Variants in PRKN observed in about 807,000 individuals in gnomAD.
PRKN encodes the protein parkin RBR E3 ubiquitin protein ligase, also known as E3 ubiquitin-protein ligase parkin.
In PRKN, 56 loss-of-function variants were observed where a neutral mutation model predicts 59.5. That is an observed-to-expected ratio of 0.94 (90% CI 0.76 to 1.18). The LOEUF (loss-of-function observed/expected upper bound fraction) is 1.18, where lower values mean the gene tolerates loss of function less well. Ranked by LOEUF, PRKN falls within the 50% of genes most tolerant of loss-of-function variation. PRKN has a pLI of 0.00. For missense variants in PRKN, 657 were observed against 596.4 expected (o/e 1.10, Z -1.06); for synonymous variants, 250 against 222.1 (o/e 1.13, Z -1.12).
chr6:161,950,855 G>A (rs1562413092), intron 6 of PRKN, among the ~76,000 whole-genome samples: 1 of 151,696 alleles, frequency 6.6e-6, no homozygotes, highest in African/African-American at 2.4e-5. Context: ...AAAGCCTCAG[G>A]CGAAGGGCTA....
intron 6 of PRKN, among the ~76,000 whole-genome samples, chr6:161,837,142 C>G (rs1792790896): frequency 2.6e-5 from 4 of 152,120 alleles, no homozygotes; most frequent in Admixed American, 1.3e-4. Flanking sequence ...AAGAAAATGT[C>G]CTGTAGCCTC....
At chr6:161,917,868 T>C (rs1219027297) in intron 6 of PRKN, among the ~76,000 whole-genome samples, 1 of 152,212 alleles carries the variant, frequency 6.6e-6, no homozygotes, top group Admixed American at 6.5e-5. Flanking sequence ...GAGAGCGAGA[T>C]GCAGGCTTCG....
chr6:161,530,823 C>T lies in PRKN; in HGVS notation c.1083+18031G>A, dbSNP rs1444300504. 6.6e-6 allele frequency among the ~76,000 whole-genome samples: 1 copy of T among 152,080 alleles called. No homozygotes were observed. The highest frequency in any genetic ancestry group is 2.4e-5 in the African/African-American group (1 of 41,420). The stretch of plus-strand genomic sequence containing the variant: ...GTGAGCCACCACACCTGGCCCAAGG[C>T]TTGCTTCTTTTAAGAGAAAAAGGCT... On this transcript the variant is annotated intron_variant, in intron 9 of 11. Coordinates refer to ENST00000366898, the MANE Select transcript of PRKN (RefSeq NM_004562.3). This position sits in a 1 kb window ranked among gnomAD's most constrained non-coding sequence, Gnocchi z 5.0.
Position 161,937,994 on chromosome 6 carries a change from GTAAAAA to G in PRKN, c.734+35302_734+35307del, listed in dbSNP as rs141422401. Among the ~76,000 whole-genome samples, 1,364 of 152,182 alleles carry G rather than the reference GTAAAAA, an allele frequency of 9.0e-3. 18 individuals are homozygous for G. The highest frequency in any genetic ancestry group is 0.031 in the African/African-American group (1,298 of 41,492). On this transcript the variant is annotated intron_variant, in intron 6 of 11. Transcript: ENST00000366898. ...AATGTAATAGTCTGCACAGAAATCA[GTAAAAA>G]TCTGTCCTACTTTTTACCAGAAAAA...
At chr6:162,206,845 A>G (rs771142691) in intron 3 of PRKN, among the ~76,000 whole-genome samples, 1 of 152,246 alleles carries the variant, frequency 6.6e-6, no homozygotes, top group Non-Finnish European at 1.5e-5. Context: ...CCACAAGGAC[A>G]CAACCAGTAT....
rs373101277 is a variant in PRKN at position 161,465,269 on chromosome 6, C to A, written c.1084-78392G>T. ...CTTCTTTTGGTAATAATGATGACTTCTTAACATTGGGATTTTAAAAAATCA... is the reference window on the plus strand; with the variant it reads ...CTTCTTTTGGTAATAATGATGACTTATTAACATTGGGATTTTAAAAAATCA... On this transcript the variant is annotated intron_variant, in intron 9 of 11. Coordinates refer to ENST00000366898, the MANE Select transcript of PRKN (RefSeq NM_004562.3). Among the ~76,000 whole-genome samples the A allele has an allele frequency of 2.6e-5, 4 of 152,272 alleles. No individual in the cohort carries two copies. In the South Asian group the frequency reaches 8.3e-4, roughly 32 times the overall value.
intron 9 of PRKN, among the ~76,000 whole-genome samples, chr6:161,418,365 T>G (rs1487910122): frequency 6.6e-6 from 1 of 152,192 alleles, no homozygotes; most frequent in Non-Finnish European, 1.5e-5. Flanking sequence ...GAACCCAGCA[T>G]TTTTAGAGAA....
rs1047010093 is a variant in PRKN, at chr6:161,484,428, C to T, written c.1083+64426G>A. Among the ~76,000 whole-genome samples, 29 of 152,206 alleles carry T rather than the reference C, an allele frequency of 1.9e-4. 1 individual carries two copies. Among genetic ancestry groups the T allele is most frequent in the African/African-American group, 6.3e-4 (26 of 41,528 alleles). On this transcript the variant is annotated intron_variant, in intron 9 of 11. Coordinates refer to ENST00000366898, the MANE Select transcript of PRKN (RefSeq NM_004562.3). The surrounding 1 kb of genome is among the most constrained non-coding windows in gnomAD (Gnocchi z 4.9). Reference sequence around the variant, plus strand: ...AACAATAACTAAGATGCACTGGGTACGTTACGTGTTAGGGAGCGTCCCAAG... The same window carrying T: ...AACAATAACTAAGATGCACTGGGTATGTTACGTGTTAGGGAGCGTCCCAAG...
intron 1 of PRKN, among the ~76,000 whole-genome samples, chr6:162,622,347 C>A (rs1435420424): frequency 2.1e-4 from 31 of 147,740 alleles, no homozygotes; most frequent in African/African-American, 7.4e-4. Flanking sequence ...GCTCCCCAGG[C>A]GAATTTTTGC....
At chr6:161,873,480 A>T (rs1344309962) in intron 6 of PRKN, among the ~76,000 whole-genome samples, 1 of 151,048 alleles carries the variant, frequency 6.6e-6, no homozygotes, top group Non-Finnish European at 1.5e-5. Context: ...TGCGTATCGG[A>T]CTCGAGAAAT....
At chr6:162,585,315 AT>A (rs1291839054) in intron 1 of PRKN, among the ~76,000 whole-genome samples, 2 of 152,198 alleles carry the variant, frequency 1.3e-5, no homozygotes, top group African/African-American at 4.8e-5. Context: ...ATATCTAAAA[AT>A]GAGTGGTTAT....
intron 1 of PRKN, among the ~76,000 whole-genome samples, chr6:162,634,635 ATTGTTT>A (rs1562455584): frequency 6.6e-6 from 1 of 152,090 alleles, no homozygotes; most frequent in Non-Finnish European, 1.5e-5. Flanking sequence ...TGTTGCTGTT[ATTGTTT>A]TTAAGACGGA....
At chr6:162,465,938 T>A (rs923198313) in intron 1 of PRKN, among the ~76,000 whole-genome samples, 2 of 152,198 alleles carry the variant, frequency 1.3e-5, no homozygotes, top group Non-Finnish European at 2.9e-5. Context: ...TAATATATCT[T>A]AATGTATTTT....
chr6:161,358,310 AAAAC>A (rs1185562660), intron 11 of PRKN, among the ~76,000 whole-genome samples: 1 of 152,184 alleles, frequency 6.6e-6, no homozygotes, highest in African/African-American at 2.4e-5. Flanking sequence ...ATTAAAAAAC[AAAAC>A]AAACAAAAAT....
intron 1 of PRKN, among the ~76,000 whole-genome samples, chr6:162,610,178 G>C (rs1289717962): frequency 6.6e-6 from 1 of 152,146 alleles, no homozygotes; most frequent in East Asian, 1.9e-4. Flanking sequence ...ACAACCCTGT[G>C]TGCTAAGCAC....
At chr6:162,335,017 T>C (rs527728342) in intron 2 of PRKN, among the ~76,000 whole-genome samples, 11 of 152,126 alleles carry the variant, frequency 7.2e-5, no homozygotes, top group Admixed American at 3.9e-4. Context: ...ATGGATGATT[T>C]TGTTTTTGTT....
intron 1 of PRKN, among the ~76,000 whole-genome samples, chr6:162,487,208 G>A (rs1050249359): frequency 6.6e-6 from 1 of 152,166 alleles, no homozygotes; most frequent in African/African-American, 2.4e-5. Context: ...GTGTCTAAAG[G>A]GTTATTCCTG....
intron 1 of PRKN, among the ~76,000 whole-genome samples, chr6:162,588,029 T>TTTTTTTTTTTG (rs1781137200): frequency 6.6e-6 from 1 of 151,572 alleles, no homozygotes; most frequent in Non-Finnish European, 1.5e-5. Context: ...TTTTTTTTTT[T>TTTTTTTTTTTG]AGATGGAGTC....
chr6:162,303,720 G>A (rs1252462544), intron 2 of PRKN, among the ~76,000 whole-genome samples: 1 of 152,120 alleles, frequency 6.6e-6, no homozygotes, highest in Non-Finnish European at 1.5e-5. Flanking sequence ...AGGAGACATT[G>A]TTTTTAAAAG....
Sources: gnomAD v4.1 joint callset for allele counts (sites outside exome capture counted in the v4.1 genomes callset) on GRCh38, gnomAD v4.1.1 for gene constraint, Gnocchi (gnomAD v3.1) non-coding constraint, MANE v1.5 for transcripts, NCBI Gene and HGNC (gene_info 2026-07-23, HGNC 2026-07-21) for gene names.